Variants in IL19 observed in about 807,000 individuals in gnomAD.
IL19 encodes interleukin-19.
In IL19, 15 loss-of-function variants were observed where a neutral mutation model predicts 19.5. The observed-to-expected ratio is 0.77, with a 90% CI of 0.52 to 1.19. The LOEUF (loss-of-function observed/expected upper bound fraction) is 1.19, where lower values mean the gene tolerates loss of function less well. Among genes scored for constraint, IL19 ranks in the 50% most tolerant of loss-of-function variants. The probability of loss-of-function intolerance (pLI) is 0.00; values close to 1 mark genes in which losing one functional copy is unlikely to be tolerated. For missense variants in IL19, 199 were observed against 213.1 expected, an observed-to-expected ratio of 0.93 and a Z score of 0.41; for synonymous variants, 78 against 78.3, an observed-to-expected ratio of 1.00 and a Z score of 0.02.
intron 5 of IL19, chr1:206,840,481 G>A: frequency 3.9e-6 from 1 of 256,756 alleles, no homozygotes; most frequent in Non-Finnish European, 7.6e-6. Context: ...AGAGAACCTG[G>A]GCTCTAGCCC....
intron 1 of IL19, among the ~76,000 whole-genome samples, chr1:206,790,466 G>GA (rs754896536): frequency 2.6e-5 from 4 of 152,066 alleles, no homozygotes; most frequent in Non-Finnish European, 5.9e-5. Flanking sequence ...GAAAAAGAGG[G>GA]AAAAAATGTA....
chr1:206,802,692 TG>T (rs1294537837), intron 2 of IL19, among the ~76,000 whole-genome samples: 1 of 151,892 alleles, frequency 6.6e-6, no homozygotes, highest in Admixed American at 6.6e-5. Context: ...TTTTTTGCCA[TG>T]GGCAAGTTCC....
intron 2 of IL19, among the ~76,000 whole-genome samples, chr1:206,831,210 G>T (rs982719492): frequency 6.6e-6 from 1 of 152,174 alleles, no homozygotes; most frequent in Non-Finnish European, 1.5e-5. Context: ...GTTAGGCGGG[G>T]ATAAGGAATT....
intron 2 of IL19, 78 bp from the exon 3 acceptor site, chr1:206,836,583 A>G: frequency 1.5e-6 from 2 of 1,359,274 alleles, no homozygotes; most frequent in South Asian, 2.7e-5. Context: ...GAGGCTGGAA[A>G]GGAGCGTCAA....
At chr1:206,790,986 T>C (rs1439953941) in intron 1 of IL19, among the ~76,000 whole-genome samples, 2 of 152,186 alleles carry the variant, frequency 1.3e-5, no homozygotes, top group African/African-American at 2.4e-5. Context: ...AGTTATTCTC[T>C]GTTGTGTGGT....
Position 206,771,006 on chromosome 1 carries a change from C to G in IL19, c.-221C>G. On this transcript the variant is annotated 5_prime_UTR_variant, in exon 1 of 7. Transcript: ENST00000659997. ...CTTGGTTCTCAGCTTGGGGCATCAC[C>G]TCCTCCAGGTAAAACTGGATCATCT... is the stretch of plus-strand genomic sequence containing the variant. 1.2e-6 allele frequency: 2 copies of G among 1,614,120 alleles called. No homozygotes were observed. The highest frequency in any genetic ancestry group is 1.7e-6 in the Non-Finnish European group (2 of 1,179,984).
chr1:206,815,852 T>C (rs926996274), intron 2 of IL19, among the ~76,000 whole-genome samples: 2 of 152,218 alleles, frequency 1.3e-5, no homozygotes, highest in African/African-American at 2.4e-5. Flanking sequence ...ACATTGTAGA[T>C]AGGTTCTTGA....
At chr1:206,820,280 TC>T (rs1676261729) in intron 2 of IL19, among the ~76,000 whole-genome samples, 1 of 152,104 alleles carries the variant, frequency 6.6e-6, no homozygotes, top group African/African-American at 2.4e-5. Context: ...TCAGAAACCC[TC>T]CCGCTTGAGG....
intron 1 of IL19, among the ~76,000 whole-genome samples, chr1:206,785,479 G>T (rs972542297): frequency 3.3e-5 from 5 of 152,234 alleles, no homozygotes; most frequent in African/African-American, 1.2e-4. Flanking sequence ...AATCCTGGAA[G>T]CTGAGTTCCT....
chr1:206,802,621 A>G (rs1222934369), intron 2 of IL19, among the ~76,000 whole-genome samples: 1 of 152,122 alleles, frequency 6.6e-6, no homozygotes, highest in East Asian at 1.9e-4. Context: ...CGTGAGTCAT[A>G]CTTAATTTCA....
At chr1:206,798,815 G>A in intron 1 of IL19, 46 bp from the exon 2 acceptor site, 1 of 1,049,736 alleles carries the variant, frequency 9.5e-7, no homozygotes, top group Non-Finnish European at 1.4e-6. Flanking sequence ...GGAGGGAGCT[G>A]AGTGTACCTT....
chr1:206,779,885 T>G (rs1675092416), intron 1 of IL19, among the ~76,000 whole-genome samples: 1 of 151,692 alleles, frequency 6.6e-6, no homozygotes, highest in Admixed American at 6.6e-5. Context: ...GACAGGGTCT[T>G]GCTATGTTGC....
Position 206,799,010 on chromosome 1 carries a change from A to C in IL19, c.-3+4A>C. On this transcript the variant is annotated splice_donor_region_variant and intron_variant, in intron 2 of 6. Coordinates refer to ENST00000659997, the MANE Select transcript of IL19 (RefSeq NM_153758.5). ...CTTTGGGGCTCTGTTCCACGGGGTAAGTAATTTCTGCTATAGGGACCCTGG... is the reference window on the plus strand; with the variant it reads ...CTTTGGGGCTCTGTTCCACGGGGTACGTAATTTCTGCTATAGGGACCCTGG... 2 of 1,594,520 alleles carry C rather than the reference A, an allele frequency of 1.3e-6. No homozygotes were observed. The highest frequency in any genetic ancestry group is 1.7e-6 in the Non-Finnish European group (2 of 1,162,288).
chr1:206,836,212 G>A (rs1676788941), intron 2 of IL19, among the ~76,000 whole-genome samples: 2 of 152,172 alleles, frequency 1.3e-5, no homozygotes, highest in South Asian at 4.1e-4. Flanking sequence ...ACTTATTTCA[G>A]GGGCAAACAT....
At chr1:206,782,030 TAC>T (rs1247433229) in intron 1 of IL19, among the ~76,000 whole-genome samples, 2 of 99,484 alleles carry the variant, frequency 2.0e-5, no homozygotes, top group East Asian at 3.9e-4. Flanking sequence ...TAGTTATATA[TAC>T]ATATATATGT....
intron 2 of IL19, chr1:206,829,082 C>G (rs1490290970): frequency 6.8e-6 from 1 of 147,830 alleles, no homozygotes; most frequent in Non-Finnish European, 1.5e-5. Flanking sequence ...CTCTTGGCCT[C>G]AAGGGATCCT....
At chr1:206,808,490 T>TGTGTGTGC (rs1381310141) in intron 2 of IL19, among the ~76,000 whole-genome samples, 1 of 129,412 alleles carries the variant, frequency 7.7e-6, no homozygotes, top group Non-Finnish European at 1.6e-5. Flanking sequence ...TGAAGGGAAT[T>TGTGTGTGC]GTGTGTGTGC....
intron 1 of IL19, chr1:206,772,549 A>G: frequency 1.0e-6 from 1 of 970,594 alleles, no homozygotes; most frequent in East Asian, 2.5e-5. Flanking sequence ...AGGCCTCTTC[A>G]TTCATTAAAA....
At chr1:206,772,877 T>C (rs966841014) in intron 1 of IL19, among the ~76,000 whole-genome samples, 1 of 152,196 alleles carries the variant, frequency 6.6e-6, no homozygotes, top group African/African-American at 2.4e-5. Context: ...TACAATGGGA[T>C]TGAGAAATAA....
Sources: allele counts gnomAD v4.1 joint callset (sites outside exome capture counted in the v4.1 genomes callset), GRCh38; gene constraint gnomAD v4.1.1; transcripts MANE v1.5; gene names NCBI Gene and HGNC (gene_info 2026-07-23, HGNC 2026-07-21).